Variants in ANXA4 observed in about 807,000 individuals in gnomAD.
ANXA4 encodes annexin A4, also known as 35-beta calcimedin.
A neutral mutation model predicts 49.8 loss-of-function variants in ANXA4; 39 were observed. The observed-to-expected ratio is 0.78, with a 90% confidence interval of 0.61 to 1.02. The LOEUF is 1.02. Ranked by LOEUF, ANXA4 falls within the 50% of genes least tolerant of loss-of-function variation. The pLI is 0.00. For synonymous variants in ANXA4, 134 were observed against 152.5 expected, an observed-to-expected ratio of 0.88 and a Z score of 0.89; for missense variants, 360 against 410.1, an observed-to-expected ratio of 0.88 and a Z score of 1.05.
intron 2 of ANXA4, among the ~76,000 whole-genome samples, chr2:69,675,294 A>C (rs897664544): frequency 2.6e-5 from 4 of 152,210 alleles, no homozygotes; most frequent in African/African-American, 7.2e-5. Context: ...GAATCGCAGC[A>C]TATAGTTTTA....
chr2:69,671,963 T>C (rs138710647), intron 2 of ANXA4, among the ~76,000 whole-genome samples: 226 of 152,330 alleles, frequency 1.5e-3, no homozygotes, highest in African/African-American at 5.1e-3. Flanking sequence ...TTATTAAAAG[T>C]GCAAAAACCT....
intron 1 of ANXA4, among the ~76,000 whole-genome samples, chr2:69,647,424 T>TTTATTTATTTA (rs1559035043): frequency 9.6e-6 from 1 of 104,250 alleles, no homozygotes; most frequent in African/African-American, 4.1e-5. Flanking sequence ...TTATTTATTT[T>TTTATTTATTTA]TTGAGACAGA....
intron 2 of ANXA4, among the ~76,000 whole-genome samples, chr2:69,718,845 CACAT>C (rs527688275): frequency 6.2e-4 from 95 of 152,228 alleles, no homozygotes; most frequent in African/African-American, 1.3e-3. Context: ...TACATGCACA[CACAT>C]ACATGCATAC....
intron 2 of ANXA4, among the ~76,000 whole-genome samples, chr2:69,702,040 A>G (rs1255060395): frequency 6.6e-6 from 1 of 151,910 alleles, no homozygotes; most frequent in Non-Finnish European, 1.5e-5. Flanking sequence ...GAGACAGGGT[A>G]TCACTCTGTC....
At chr2:69,802,659 C>T (rs537313710) in intron 3 of ANXA4, among the ~76,000 whole-genome samples, 4 of 146,380 alleles carry the variant, frequency 2.7e-5, no homozygotes, top group African/African-American at 7.7e-5. Flanking sequence ...TGCAGTGAGC[C>T]GAGATGGCAC....
Position 69,806,424 on chromosome 2 carries a change from T to A in ANXA4, c.232T>A (p.Phe78Ile), listed in dbSNP as rs1486179208. Residue 78 changes from phenylalanine (F) to isoleucine (I), a missense_variant, in exon 5 of 13, where the codon TTC (phenylalanine) becomes ATC (isoleucine). Physicochemically the swap from Phe to Ile is conservative, Grantham distance 21. Coordinates refer to ENST00000394295, the MANE Select transcript of ANXA4 (RefSeq NM_001153.5). The part of the protein sequence containing the change: ...DDLKSELSGN[F>I]EQVIVGMMTP... ...CCTGAAGTCAGAACTGAGTGGCAACTTCGAGCAGGTGATTGTGGGGATGAT... is the reference window on the plus strand; with the variant it reads ...CCTGAAGTCAGAACTGAGTGGCAACATCGAGCAGGTGATTGTGGGGATGAT... The A allele has an allele frequency of 6.2e-7, 1 of 1,614,002 alleles. No individual in the cohort carries two copies. The highest frequency in any genetic ancestry group is 1.7e-5 in the Admixed American group (1 of 60,002).
At chr2:69,761,705 G>T (rs1372329592) in intron 1 of ANXA4, among the ~76,000 whole-genome samples, 1 of 150,546 alleles carries the variant, frequency 6.6e-6, no homozygotes, top group African/African-American at 2.5e-5. Context: ...AGGATCGCTT[G>T]AGCCCAGGAG....
intron 2 of ANXA4, among the ~76,000 whole-genome samples, chr2:69,716,934 C>T (rs889147849): frequency 6.6e-6 from 1 of 152,204 alleles, no homozygotes; most frequent in Admixed American, 6.5e-5. Flanking sequence ...CTACTACTGG[C>T]CAAGCACTGT....
chr2:69,749,726 A>C (rs1197847477), intron 1 of ANXA4, among the ~76,000 whole-genome samples: 1 of 151,740 alleles, frequency 6.6e-6, no homozygotes, highest in African/African-American at 2.4e-5. Context: ...GAAGTTTGAG[A>C]CCAGCCTAGC....
rs1351916213 is a variant in ANXA4 at position 69,700,799 on chromosome 2, AT to A, written n.767-19968del. Among the ~76,000 whole-genome samples the A allele has an allele frequency of 1.7e-4, 26 of 152,132 alleles. 1 individual carries two copies. The highest frequency in any genetic ancestry group is 1.6e-3 in the Admixed American group (25 of 15,272). On this transcript the variant is annotated intron_variant and non_coding_transcript_variant, in intron 2 of 3. Coordinates refer to the ANXA4 transcript ENST00000418066. ...CTATAGAAATGAACATACTTGGCAT[AT>A]TTTTTTGTGTGTAACCTAAGGTAAA...
intron 2 of ANXA4, among the ~76,000 whole-genome samples, chr2:69,673,322 G>A (rs1289857978): frequency 3.3e-5 from 5 of 152,100 alleles, no homozygotes; most frequent in Non-Finnish European, 7.3e-5. Flanking sequence ...ATACTATGCA[G>A]CCATAAAAAA....
At chr2:69,646,781 G>A (rs1000599200) in intron 1 of ANXA4, among the ~76,000 whole-genome samples, 3 of 152,142 alleles carry the variant, frequency 2.0e-5, no homozygotes, top group Admixed American at 1.3e-4. Context: ...CTGGAGATAA[G>A]CAATATTGAA....
At chr2:69,643,969 A>T, upstream of ANXA4, 1 of 938,596 alleles carries the variant, frequency 1.1e-6, no homozygotes, top group South Asian at 5.2e-5. Flanking sequence ...ATATCACCCG[A>T]GCCGCAGGGC....
At chr2:69,678,396 T>C (rs1392544089) in intron 2 of ANXA4, among the ~76,000 whole-genome samples, 5 of 143,032 alleles carry the variant, frequency 3.5e-5, no homozygotes, top group African/African-American at 5.2e-5. Flanking sequence ...TTTCTTTTTT[T>C]TTTTTTTTTT....
At chr2:69,660,558 A>G (rs573052274) in intron 2 of ANXA4, among the ~76,000 whole-genome samples, 3 of 152,334 alleles carry the variant, frequency 2.0e-5, no homozygotes, top group South Asian at 4.1e-4. Context: ...AAATAATTAC[A>G]AATGAAATAA....
At chr2:69,703,441 C>T (rs886265934) in intron 2 of ANXA4, among the ~76,000 whole-genome samples, 28 of 152,094 alleles carry the variant, frequency 1.8e-4, no homozygotes, top group African/African-American at 6.5e-4. Flanking sequence ...CCACGAGTCC[C>T]CGGCAACCAC....
intron 2 of ANXA4, among the ~76,000 whole-genome samples, chr2:69,709,612 G>T (rs895988127): frequency 5.9e-5 from 9 of 152,272 alleles, no homozygotes; most frequent in African/African-American, 2.2e-4. Context: ...TACACGGGAA[G>T]CCACATCCCA....
chr2:69,820,771 C>G lies in ANXA4; in HGVS notation c.856C>G (p.Arg286Gly). The G allele has an allele frequency of 6.2e-7, 1 of 1,614,028 alleles. No individual in the cohort carries two copies. The highest frequency in any genetic ancestry group is 1.3e-5 in the African/African-American group (1 of 74,978). The part of the protein sequence containing the change: ...SRAEIDMLDI[R>G]AHFKRLYGKS... ...AGCAGAAATTGACATGTTGGATATC[C>G]GGGCACACTTCAAGAGACTCTATGG... is the stretch of plus-strand genomic sequence containing the variant. The change falls in exon 12 of 13, where the codon CGG (arginine) becomes GGG (glycine). Residue 286 changes from arginine (R) to glycine (G), a missense_variant. Arg to Gly is a moderately radical substitution (Grantham distance 125). Coordinates refer to ENST00000394295, the MANE Select transcript of ANXA4 (RefSeq NM_001153.5).
chr2:69,779,038 G>T (rs1672085421), intron 1 of ANXA4, among the ~76,000 whole-genome samples: 1 of 147,094 alleles, frequency 6.8e-6, no homozygotes, highest in African/African-American at 2.5e-5. Flanking sequence ...AACCTGGGAG[G>T]CAGAGGTTGC....
Sources: allele counts gnomAD v4.1 joint callset (sites outside exome capture counted in the v4.1 genomes callset), GRCh38; gene constraint gnomAD v4.1.1; transcripts MANE v1.5; gene names NCBI Gene and HGNC (gene_info 2026-07-23, HGNC 2026-07-21).